Variants in METTL15 observed in about 807,000 individuals in gnomAD.
METTL15 encodes the protein methyltransferase 15, mitochondrial 12S rRNA N4-cytidine, also known as 12S rRNA N(4)-cytidine methyltransferase METTL15.
In METTL15, 34 loss-of-function variants were observed where a neutral mutation model predicts 38.3. That is an observed-to-expected ratio of 0.89 (90% CI 0.68 to 1.18). The LOEUF is 1.18. Among genes scored for constraint, METTL15 ranks in the 50% most tolerant of loss-of-function variants. METTL15 has a pLI of 0.00. For synonymous variants in METTL15, 162 were observed against 170.9 expected (o/e 0.95, Z 0.41); for missense variants, 438 against 498.4 (o/e 0.88, Z 1.15).
chr11:28,423,680 TAGA>T (rs1343425515), intron 5 of METTL15, among the ~76,000 whole-genome samples: 3 of 151,304 alleles, frequency 2.0e-5, no homozygotes, highest in African/African-American at 7.3e-5. Context: ...AGATAGAGAG[TAGA>T]AGGATGGTTA....
At chr11:28,330,274 A>G (rs1340693689) in intron 6 of METTL15, 122 bp from the exon 7 acceptor site, 2 of 895,060 alleles carry the variant, frequency 2.2e-6, no homozygotes, top group African/African-American at 1.7e-5. Context: ...AAGTGCCACC[A>G]CAATTTTCTA....
chr11:28,176,694 A>G (rs1851088544), intron 3 of METTL15, among the ~76,000 whole-genome samples: 1 of 152,100 alleles, frequency 6.6e-6, no homozygotes, highest in African/African-American at 2.4e-5. Context: ...TTTGTGGCCA[A>G]GTGGACTTGG....
At chr11:28,513,155 C>T (rs1265356395) in intron 6 of METTL15, among the ~76,000 whole-genome samples, 1 of 152,182 alleles carries the variant, frequency 6.6e-6, no homozygotes, top group Non-Finnish European at 1.5e-5. Context: ...TCCATACTCG[C>T]AGTAAACATT....
chr11:28,211,653 A>G, intron 4 of METTL15, among the ~76,000 whole-genome samples: 1 of 152,088 alleles, frequency 6.6e-6, no homozygotes, highest in Non-Finnish European at 1.5e-5. Flanking sequence ...GTAAATCTAG[A>G]GTGATCCATC....
chr11:28,517,924 T>G (rs577152333), intron 6 of METTL15, among the ~76,000 whole-genome samples: 27 of 152,306 alleles, frequency 1.8e-4, no homozygotes, highest in African/African-American at 5.8e-4. Context: ...TCTTCCAAAC[T>G]TCAAACTTGA....
At chr11:28,201,986 T>C (rs1852133857) in intron 3 of METTL15, among the ~76,000 whole-genome samples, 1 of 152,096 alleles carries the variant, frequency 6.6e-6, no homozygotes, top group Non-Finnish European at 1.5e-5. Flanking sequence ...AAGGCCAGAA[T>C]ATGAAGAATA....
chr11:28,265,001 CTT>C (rs1278257068), intron 4 of METTL15, among the ~76,000 whole-genome samples: 2 of 151,958 alleles, frequency 1.3e-5, no homozygotes, highest in East Asian at 1.9e-4. Flanking sequence ...TTATTCATCA[CTT>C]ATATACAATT....
intron 6 of METTL15, among the ~76,000 whole-genome samples, chr11:28,466,220 A>G (rs1050580733): frequency 6.6e-6 from 1 of 152,358 alleles, no homozygotes; most frequent in African/African-American, 2.4e-5. Flanking sequence ...AGGATCTGGC[A>G]TGGGAGTTTC....
chr11:28,278,450 C>A (rs1855924686), intron 4 of METTL15, among the ~76,000 whole-genome samples: 1 of 151,916 alleles, frequency 6.6e-6, no homozygotes, highest in Non-Finnish European at 1.5e-5. Context: ...CTGTGAGGGC[C>A]CAAGATTAAT....
intron 6 of METTL15, among the ~76,000 whole-genome samples, chr11:28,506,586 G>T (rs911708911): frequency 4.6e-5 from 7 of 151,958 alleles, no homozygotes; most frequent in African/African-American, 1.7e-4. Flanking sequence ...TGGTCTTAGG[G>T]TATATCTTGT....
intron 6 of METTL15, among the ~76,000 whole-genome samples, chr11:28,457,114 T>C (rs1851175712): frequency 6.6e-6 from 1 of 152,212 alleles, no homozygotes; most frequent in Non-Finnish European, 1.5e-5. Context: ...CTATTCTTGG[T>C]ACTCATTTTT....
At chr11:28,503,036 G>C (rs925826352) in intron 6 of METTL15, among the ~76,000 whole-genome samples, 26 of 152,212 alleles carry the variant, frequency 1.7e-4, no homozygotes, top group African/African-American at 6.3e-4. Flanking sequence ...TGCTGTCCAT[G>C]TCTGCCAAGA....
intron 4 of METTL15, among the ~76,000 whole-genome samples, chr11:28,242,926 A>T (rs552095459): frequency 1.1e-3 from 160 of 152,256 alleles, no homozygotes; most frequent in Non-Finnish European, 1.6e-3. Flanking sequence ...AATTTTGATG[A>T]TATAAGTGTC....
At position 28,189,874 on chromosome 11, in the gene METTL15, A is replaced by C. The variant is rs368945305; in HGVS notation, c.271-21188A>C. On this transcript the variant is annotated intron_variant, in intron 3 of 6. Coordinates refer to ENST00000407364, the MANE Select transcript of METTL15 (RefSeq NM_001113528.2). ...GTTGATCACAATCAGCTGTGTTTTC[A>C]TTGTGATAGTACTTAGTTATGAAGC... is the stretch of plus-strand genomic sequence containing the variant. 3.3e-5 allele frequency among the ~76,000 whole-genome samples: 5 copies of C among 151,382 alleles called. No individual in the cohort carries two copies. In the South Asian group the frequency reaches 1.0e-3, roughly 31 times the overall value.
At chr11:28,362,836 G>A (rs899132361) in intron 5 of METTL15, among the ~76,000 whole-genome samples, 1 of 152,196 alleles carries the variant, frequency 6.6e-6, no homozygotes, top group Non-Finnish European at 1.5e-5. Flanking sequence ...ACATGTGGGT[G>A]CATGTGTCTT....
chr11:28,431,732 C>T (rs1590372644), intron 6 of METTL15, among the ~76,000 whole-genome samples: 1 of 96,642 alleles, frequency 1.0e-5, no homozygotes, highest in South Asian at 4.2e-4. Context: ...TGTCCCATGA[C>T]CCTGCCAAAT....
intron 6 of METTL15, among the ~76,000 whole-genome samples, chr11:28,472,922 C>T (rs1416827829): frequency 6.6e-6 from 1 of 151,970 alleles, no homozygotes; most frequent in African/African-American, 2.4e-5. Flanking sequence ...TCTGCTTTTC[C>T]CTTTAGAATT....
At chr11:28,265,829 C>A (rs187619166) in intron 4 of METTL15, among the ~76,000 whole-genome samples, 3 of 152,134 alleles carry the variant, frequency 2.0e-5, no homozygotes, top group African/African-American at 4.8e-5. Flanking sequence ...TTTTTTATTA[C>A]GCTTTAAATG....
intron 3 of METTL15, among the ~76,000 whole-genome samples, chr11:28,147,037 A>G (rs1393027613): frequency 6.6e-6 from 1 of 151,970 alleles, no homozygotes; most frequent in Non-Finnish European, 1.5e-5. Context: ...TTTTGGCTTA[A>G]GAGAGCAAGT....
Sources: allele counts gnomAD v4.1 joint callset (sites outside exome capture counted in the v4.1 genomes callset), GRCh38; gene constraint gnomAD v4.1.1; transcripts MANE v1.5; gene names NCBI Gene and HGNC (gene_info 2026-07-23, HGNC 2026-07-21).